The following MCTP1 variants were observed in gnomAD, a reference collection of about 807,000 sequenced individuals.
The protein encoded by MCTP1 is multiple C2 and transmembrane domain containing 1, also known as multiple C2 and transmembrane domain-containing protein 1.
A neutral mutation model predicts 120.6 loss-of-function variants in MCTP1; 69 were observed. The ratio of observed to expected loss-of-function variants is 0.57; its 90% CI spans 0.47 to 0.70. MCTP1 has a LOEUF of 0.70. MCTP1 is among the 30% of genes least tolerant of loss of function. MCTP1 has a pLI of 0.00. For missense variants in MCTP1, 1,203 were observed against 1,248.8 expected (o/e 0.96, Z 0.55); for synonymous variants, 529 against 493.1 (o/e 1.07, Z -0.96).
intron 16 of MCTP1, among the ~76,000 whole-genome samples, chr5:94,868,799 G>T (rs2153277080): frequency 6.6e-6 from 1 of 151,950 alleles, no homozygotes; most frequent in East Asian, 1.9e-4. Context: ...GTGGTTTTAA[G>T]ATTGATCAAA....
chr5:95,085,000 T>A (rs1327283512), intron 1 of MCTP1, among the ~76,000 whole-genome samples: 1 of 152,138 alleles, frequency 6.6e-6, no homozygotes, highest in Non-Finnish European at 1.5e-5. Flanking sequence ...CAAACTGATG[T>A]CTGTTTGGCT....
chr5:94,999,451 G>A (rs188667489), intron 2 of MCTP1, among the ~76,000 whole-genome samples: 33 of 152,136 alleles, frequency 2.2e-4, no homozygotes, highest in Non-Finnish European at 3.2e-4. Flanking sequence ...AAAAAATAAC[G>A]TTGGCAAAGT....
At chr5:95,032,606 T>C (rs1484496462) in intron 1 of MCTP1, among the ~76,000 whole-genome samples, 1 of 152,068 alleles carries the variant, frequency 6.6e-6, no homozygotes, top group African/African-American at 2.4e-5. Context: ...AGAGGAAAGT[T>C]TGTAGTAATA....
intron 1 of MCTP1, among the ~76,000 whole-genome samples, chr5:95,172,761 C>G (rs1747486341): frequency 6.6e-6 from 1 of 152,086 alleles, no homozygotes; most frequent in Non-Finnish European, 1.5e-5. Flanking sequence ...ATCTCTTGTT[C>G]TGTTGTGTGC....
At chr5:94,990,569 A>G (rs578128928) in intron 2 of MCTP1, among the ~76,000 whole-genome samples, 2 of 152,326 alleles carry the variant, frequency 1.3e-5, no homozygotes, top group East Asian at 3.9e-4. Context: ...TAAAGAACTC[A>G]CTTGATTAAG....
chr5:94,954,147 C>CAAATATATATATGCATATATATACAAAT, intron 2 of MCTP1, among the ~76,000 whole-genome samples: 1 of 32,512 alleles, frequency 3.1e-5, no homozygotes, highest in African/African-American at 1.5e-4. Context: ...CATATATATA[C>CAAATATATATATGCATATATATACAAAT]ATATATATAT....
chr5:95,243,496 T>C (rs1047309786), intron 1 of MCTP1, among the ~76,000 whole-genome samples: 1 of 151,980 alleles, frequency 6.6e-6, no homozygotes, highest in Non-Finnish European at 1.5e-5. Context: ...AGAAATAAGA[T>C]AGGTAGGAGC....
intron 12 of MCTP1, among the ~76,000 whole-genome samples, chr5:94,873,907 G>C (rs1266829171): frequency 6.6e-6 from 1 of 151,478 alleles, no homozygotes; most frequent in Non-Finnish European, 1.5e-5. Flanking sequence ...TGAAAATAAA[G>C]GGTTTAGAAA....
At chr5:95,225,991 C>T (rs1046633266) in intron 1 of MCTP1, among the ~76,000 whole-genome samples, 2 of 152,122 alleles carry the variant, frequency 1.3e-5, no homozygotes, top group Non-Finnish European at 2.9e-5. Context: ...AGTATATCAT[C>T]TCTAATTTTA....
chr5:94,882,485 G>T (rs531076829), intron 12 of MCTP1, among the ~76,000 whole-genome samples: 1 of 151,352 alleles, frequency 6.6e-6, no homozygotes, highest in African/African-American at 2.4e-5. Context: ...TCCTTGATCC[G>T]TTGTTCTAGA....
At chr5:95,037,481 C>A (rs959563538) in intron 1 of MCTP1, among the ~76,000 whole-genome samples, 4 of 152,116 alleles carry the variant, frequency 2.6e-5, no homozygotes, top group African/African-American at 9.7e-5. Context: ...AAATTAAGGG[C>A]AATTTTATTT....
intron 12 of MCTP1, among the ~76,000 whole-genome samples, chr5:94,888,037 G>A (rs1484567691): frequency 6.8e-6 from 1 of 146,680 alleles, no homozygotes; most frequent in Non-Finnish European, 1.5e-5. Flanking sequence ...AGAATGATAA[G>A]TTGATATTTT....
chr5:95,276,184 A>C (rs1051864394), intron 1 of MCTP1, among the ~76,000 whole-genome samples: 1 of 150,448 alleles, frequency 6.6e-6, no homozygotes, highest in Non-Finnish European at 1.5e-5. Context: ...CACTTCACAC[A>C]CTTGGTATTT....
chr5:94,841,861 G>C, intron 17 of MCTP1, among the ~76,000 whole-genome samples: 1 of 152,152 alleles, frequency 6.6e-6, no homozygotes, highest in Non-Finnish European at 1.5e-5. Flanking sequence ...TCCTGTATGT[G>C]CACCGTTCTA....
At chr5:95,234,170 GGTGATTCAATAACGA>G (rs1755280223) in intron 1 of MCTP1, among the ~76,000 whole-genome samples, 1 of 152,114 alleles carries the variant, frequency 6.6e-6, no homozygotes, top group Admixed American at 6.5e-5. Flanking sequence ...GGAGTTAAAG[GGTGATTCAATAACGA>G]GAGACCATCC....
chr5:95,208,328 C>A lies in MCTP1; in HGVS notation c.720+75528G>T, dbSNP rs540383867. Among the ~76,000 whole-genome samples the A allele has an allele frequency of 3.3e-5, 5 of 152,154 alleles. No individual in the cohort carries two copies. In the East Asian group the frequency reaches 9.7e-4, roughly 30 times the overall value. On this transcript the variant is annotated intron_variant, in intron 1 of 22. Coordinates refer to ENST00000515393, the MANE Select transcript of MCTP1 (RefSeq NM_024717.7). ...CTGGTCTTGAACTCCTGATCTCAGG[C>A]AATCCACCCACCTCAGCCACCCAAA...
At chr5:94,772,396 T>C (rs1209971368) in intron 19 of MCTP1, among the ~76,000 whole-genome samples, 1 of 152,210 alleles carries the variant, frequency 6.6e-6, no homozygotes, top group Non-Finnish European at 1.5e-5. Flanking sequence ...GGCTTGATCT[T>C]GGCCATGGCT....
intron 1 of MCTP1, among the ~76,000 whole-genome samples, chr5:95,251,963 G>A (rs141377962): frequency 1.8e-3 from 272 of 152,128 alleles, no homozygotes; most frequent in African/African-American, 6.2e-3. Flanking sequence ...CACAAAGGTA[G>A]AAGAGAAAGA....
intron 1 of MCTP1, among the ~76,000 whole-genome samples, chr5:95,135,233 T>G (rs967248055): frequency 2.0e-5 from 3 of 152,190 alleles, no homozygotes; most frequent in Non-Finnish European, 2.9e-5. Context: ...AGAATACATA[T>G]TCTCAACTTT....
Sources: gnomAD v4.1 joint callset for allele counts (sites outside exome capture counted in the v4.1 genomes callset) on GRCh38, gnomAD v4.1.1 for gene constraint, MANE v1.5 for transcripts, NCBI Gene and HGNC (gene_info 2026-07-23, HGNC 2026-07-21) for gene names.